CCSER1: variants seen among roughly 807,000 people sequenced by gnomAD.
The protein encoded by CCSER1 is coiled-coil serine rich protein 1.
In CCSER1, 41 loss-of-function variants were observed where a neutral mutation model predicts 82.0. That is an observed-to-expected ratio of 0.50 (90% CI 0.39 to 0.65). CCSER1 has a LOEUF of 0.65. Ranked by LOEUF, CCSER1 falls within the 30% of genes least tolerant of loss-of-function variation. The probability of loss-of-function intolerance (pLI) is 0.00; values close to 1 mark genes in which losing one functional copy is unlikely to be tolerated. For synonymous variants in CCSER1, 414 were observed against 383.9 expected (o/e 1.08, Z -0.92); for missense variants, 1,119 against 1,064.2 (o/e 1.05, Z -0.72).
At chr4:90,255,732 A>G (rs1016904000) in intron 1 of CCSER1, among the ~76,000 whole-genome samples, 1 of 151,852 alleles carries the variant, frequency 6.6e-6, no homozygotes, top group Non-Finnish European at 1.5e-5. Flanking sequence ...AAAGAGGTGT[A>G]AAAAAAACAC....
intron 6 of CCSER1, among the ~76,000 whole-genome samples, chr4:90,660,433 A>G (rs1477743288): frequency 1.3e-5 from 2 of 152,118 alleles, no homozygotes; most frequent in Non-Finnish European, 1.5e-5. Context: ...TTAGTAACAG[A>G]AAGTCAAATA....
At chr4:90,589,979 A>T (rs554546132) in intron 5 of CCSER1, among the ~76,000 whole-genome samples, 29 of 152,322 alleles carry the variant, frequency 1.9e-4, no homozygotes, top group African/African-American at 7.0e-4. Context: ...TGTGGTAAAA[A>T]CACTTAATTT....
At chr4:90,548,763 G>A (rs1777100464) in intron 5 of CCSER1, among the ~76,000 whole-genome samples, 2 of 149,762 alleles carry the variant, frequency 1.3e-5, no homozygotes, top group African/African-American at 4.9e-5. Flanking sequence ...CACACACACA[G>A]ACATATATAC....
At chr4:91,423,820 T>C (rs1753813832) in intron 10 of CCSER1, among the ~76,000 whole-genome samples, 2 of 151,836 alleles carry the variant, frequency 1.3e-5, no homozygotes, top group Non-Finnish European at 2.9e-5. Context: ...GTTCACTGAG[T>C]CTCTGTATTG....
intron 7 of CCSER1, among the ~76,000 whole-genome samples, chr4:90,804,663 T>A (rs779841463): frequency 2.0e-5 from 3 of 152,200 alleles, no homozygotes; most frequent in Non-Finnish European, 2.9e-5. Flanking sequence ...GGATTTTACT[T>A]GCTTTTAGTT....
At chr4:90,204,724 G>T (rs952029233) in intron 1 of CCSER1, among the ~76,000 whole-genome samples, 2 of 152,152 alleles carry the variant, frequency 1.3e-5, no homozygotes, top group East Asian at 1.9e-4. Context: ...TTCTAATTCT[G>T]TGAAGAAAGT....
chr4:91,315,793 G>T (rs1745791128), intron 10 of CCSER1, among the ~76,000 whole-genome samples: 1 of 151,988 alleles, frequency 6.6e-6, no homozygotes, highest in Non-Finnish European at 1.5e-5. Flanking sequence ...ATACCAGACT[G>T]TCTTGGTTTA....
intron 10 of CCSER1, among the ~76,000 whole-genome samples, chr4:91,202,400 A>G (rs954455600): frequency 6.6e-6 from 1 of 151,936 alleles, no homozygotes; most frequent in Non-Finnish European, 1.5e-5. Context: ...CCTTGCTGCA[A>G]TGGAAGCTAG....
intron 10 of CCSER1, among the ~76,000 whole-genome samples, chr4:91,363,570 G>A (rs914108031): frequency 1.3e-5 from 2 of 151,654 alleles, no homozygotes; most frequent in African/African-American, 4.8e-5. Flanking sequence ...TTTTCCTTCT[G>A]TCTGTCTCTA....
At chr4:90,767,539 T>A in intron 7 of CCSER1, among the ~76,000 whole-genome samples, 1 of 152,236 alleles carries the variant, frequency 6.6e-6, no homozygotes, top group East Asian at 1.9e-4. Context: ...TTTGTGAATG[T>A]ATTTGTTGGT....
At chr4:91,162,897 A>T (rs549791542) in intron 10 of CCSER1, among the ~76,000 whole-genome samples, 10 of 151,850 alleles carry the variant, frequency 6.6e-5, no homozygotes, top group Non-Finnish European at 4.4e-5. Flanking sequence ...GGATTCATTG[A>T]TTTTTTTGAA....
intron 9 of CCSER1, among the ~76,000 whole-genome samples, chr4:90,953,241 T>C (rs1414905880): frequency 6.6e-6 from 1 of 151,860 alleles, no homozygotes; most frequent in Non-Finnish European, 1.5e-5. Context: ...AATTAGAAAA[T>C]TATAACAGAA....
intron 8 of CCSER1, among the ~76,000 whole-genome samples, chr4:90,824,036 A>G (rs1015622312): frequency 1.3e-5 from 2 of 152,016 alleles, no homozygotes; most frequent in African/African-American, 4.8e-5. Flanking sequence ...GTTAAAAATA[A>G]GCTTTTCAGG....
Position 90,925,549 on chromosome 4 carries a change from C to T in CCSER1, c.2172+2102C>T, listed in dbSNP as rs553503259. 4.6e-5 allele frequency among the ~76,000 whole-genome samples: 7 copies of T among 152,254 alleles called. No homozygotes were observed. The East Asian group carries it at 1.4e-3, about 29-fold the overall frequency. ...GGTTACTGAGGAATGAACGACACCT[C>T]TGGGGAAATGACTTATCTGTGGATA... On this transcript the variant is annotated intron_variant, in intron 9 of 10. Transcript: ENST00000509176.
At chr4:91,513,508 A>T (rs1759938298) in intron 10 of CCSER1, among the ~76,000 whole-genome samples, 1 of 152,034 alleles carries the variant, frequency 6.6e-6, no homozygotes, top group Non-Finnish European at 1.5e-5. Flanking sequence ...CCTCCTCATC[A>T]GTTTTTTTGA....
chr4:91,204,570 C>G (rs1268582974), intron 10 of CCSER1, among the ~76,000 whole-genome samples: 2 of 151,684 alleles, frequency 1.3e-5, no homozygotes, highest in Non-Finnish European at 2.9e-5. Context: ...CTTAATCAAG[C>G]CTTTAAAACT....
chr4:90,912,371 G>A (rs1384956493), intron 8 of CCSER1, among the ~76,000 whole-genome samples: 1 of 152,160 alleles, frequency 6.6e-6, no homozygotes. Context: ...TGATACCAAG[G>A]CAAACAGGGT....
chr4:90,180,636 G>A (rs1467872433), intron 1 of CCSER1, among the ~76,000 whole-genome samples: 1 of 151,826 alleles, frequency 6.6e-6, no homozygotes, highest in Non-Finnish European at 1.5e-5. Flanking sequence ...TTCCCTCTGT[G>A]ACTTCATTAT....
At chr4:90,536,657 A>G (rs1174131448) in intron 5 of CCSER1, among the ~76,000 whole-genome samples, 1 of 152,256 alleles carries the variant, frequency 6.6e-6, no homozygotes, top group East Asian at 1.9e-4. Flanking sequence ...CCTGAAAATT[A>G]AAGACCTGGG....
Sources: allele counts gnomAD v4.1 joint callset (sites outside exome capture counted in the v4.1 genomes callset), GRCh38; gene constraint gnomAD v4.1.1; transcripts MANE v1.5; gene names NCBI Gene and HGNC (gene_info 2026-07-23, HGNC 2026-07-21).